Variants in SIRT5 observed in about 807,000 individuals in gnomAD.
SIRT5 encodes NAD-dependent protein deacylase sirtuin-5, mitochondrial.
A neutral mutation model predicts 40.0 loss-of-function variants in SIRT5; 26 were observed. The ratio of observed to expected loss-of-function variants is 0.65; its 90% confidence interval spans 0.48 to 0.90. The LOEUF (loss-of-function observed/expected upper bound fraction) is 0.90. Among genes scored for constraint, SIRT5 ranks in the 40% least tolerant of loss-of-function variants. The probability of loss-of-function intolerance (pLI) is 0.00; values close to 1 mark genes in which losing one functional copy is unlikely to be tolerated. For synonymous variants in SIRT5, 146 were observed against 149.1 expected (o/e 0.98, Z 0.15); for missense variants, 401 against 402.4 (o/e 1.00, Z 0.03).
chr6:13,598,673 A>G (rs1327284362), intron 7 of SIRT5, among the ~76,000 whole-genome samples: 2 of 152,010 alleles, frequency 1.3e-5, no homozygotes, highest in Admixed American at 1.3e-4. Flanking sequence ...TACTAAGAAT[A>G]CGAAAATTAG....
chr6:13,606,683 T>G (rs1201518167), intron 9 of SIRT5, among the ~76,000 whole-genome samples: 1 of 152,154 alleles, frequency 6.6e-6, no homozygotes, highest in Admixed American at 6.5e-5. Flanking sequence ...TGTTTGTTTT[T>G]TGTTTTGTTT....
At chr6:13,603,138 G>A (rs188628419) in intron 9 of SIRT5, among the ~76,000 whole-genome samples, 356 of 152,080 alleles carry the variant, frequency 2.3e-3, no homozygotes, top group African/African-American at 8.0e-3. Context: ...TTAGCCGGGC[G>A]TGGTGGTGGG....
intron 9 of SIRT5, chr6:13,605,637 C>G: frequency 2.0e-6 from 2 of 985,390 alleles, no homozygotes; most frequent in East Asian, 1.1e-4. Flanking sequence ...TTAATTAGTT[C>G]CAGTTTTGGT....
intron 3 of SIRT5, among the ~76,000 whole-genome samples, chr6:13,585,423 T>C (rs1013117497): frequency 7.7e-4 from 114 of 148,918 alleles, no homozygotes; most frequent in African/African-American, 2.7e-3. Context: ...CCCCAGTGTG[T>C]GATGTTACCC....
chr6:13,591,872 C>G lies in SIRT5; in HGVS notation c.453C>G (p.Thr151=), dbSNP rs201563585. ...NIDELHRKAG[T]KNLLEIHGSL... The stretch of plus-strand genomic sequence containing the variant: ...ATGAGCTGCACCGCAAGGCTGGCAC[C>G]AAGAACCTTCTGGAGATCCATGGTG... The change falls in exon 5 of 10, where the codon ACC becomes ACG. Residue 151 remains threonine, a synonymous_variant. Coordinates refer to ENST00000606117, the MANE Select transcript of SIRT5 (RefSeq NM_012241.5). 22 of 1,613,488 alleles carry G rather than the reference C, an allele frequency of 1.4e-5. No individual in the cohort carries two copies. Among genetic ancestry groups the G allele is most frequent in the Non-Finnish European group, 1.9e-5 (22 of 1,179,564 alleles).
At chr6:13,598,197 C>T (rs1281764128) in intron 7 of SIRT5, among the ~76,000 whole-genome samples, 1 of 152,092 alleles carries the variant, frequency 6.6e-6, no homozygotes, top group Non-Finnish European at 1.5e-5. Flanking sequence ...TCCTGTGATG[C>T]AGGAGATTAC....
chr6:13,578,630 A>G (rs1273164836), intron 1 of SIRT5, among the ~76,000 whole-genome samples: 1 of 151,552 alleles, frequency 6.6e-6, no homozygotes, highest in Non-Finnish European at 1.5e-5. Flanking sequence ...AAAAAAAAAA[A>G]AAAAAAAGAA....
chr6:13,584,360 T>G, intron 3 of SIRT5, 135 bp downstream of exon 3: 1 of 625,234 alleles, frequency 1.6e-6, no homozygotes. Flanking sequence ...CATCTTCTCT[T>G]TTTTTTTTTG....
chr6:13,595,101 T>C (rs2127671332), intron 5 of SIRT5, among the ~76,000 whole-genome samples: 1 of 152,352 alleles, frequency 6.6e-6, no homozygotes, highest in African/African-American at 2.4e-5. Context: ...CATGGAGTTA[T>C]TTATTTTTCC....
rs991538371 is a variant in SIRT5, at chr6:13,584,318, A to G, written c.115+93A>G. 5 of 922,752 alleles carry G rather than the reference A, an allele frequency of 5.4e-6. No homozygotes were observed. The African/African-American group carries it at 8.2e-5, about 15-fold the overall frequency. 57.2% of individuals were successfully genotyped at this position (922,752 alleles called of 1,614,324 possible). A position where few individuals can be genotyped will look rare whatever the true frequency, so the allele number is the denominator to read the frequency against. On this transcript the variant is annotated intron_variant, in intron 3 of 9. Transcript: ENST00000606117. The stretch of plus-strand genomic sequence containing the variant: ...GAGGAATGTCTCTGTCAAATTAGGT[A>G]TTGGGCAAGGTTTTGGAGAAAGCCA...
rs949160919 is a variant in SIRT5 at position 13,614,524 on chromosome 6, T to C, written c.*2659T>C. 1 of 152,250 alleles carries C rather than the reference T, an allele frequency of 6.6e-6. No individual in the cohort carries two copies. The allele number at this position is 152,250 out of a possible 1,614,324, so 9.4% of individuals were successfully genotyped here. ...GAAACACAGCGATCACAAAGGGCCA[T>C]GTTTGCCAAGAAATAAAATATACTT... On this transcript the variant is annotated 3_prime_UTR_variant, in exon 10 of 10. Transcript: ENST00000606117.
intron 7 of SIRT5, 138 bp from the exon 8 acceptor site, chr6:13,598,894 G>C: frequency 3.4e-6 from 3 of 886,552 alleles, no homozygotes; most frequent in Non-Finnish European, 5.1e-6. Context: ...TATATAGGCT[G>C]GGAGGGAGGG....
intron 8 of SIRT5, among the ~76,000 whole-genome samples, chr6:13,599,610 C>T (rs1178208714): frequency 6.6e-6 from 1 of 152,212 alleles, no homozygotes; most frequent in African/African-American, 2.4e-5. Context: ...AGTGAGCAAA[C>T]AGCAGCCTTT....
At position 13,613,002 on chromosome 6, in the gene SIRT5, T is replaced by C. The variant is rs1764072674; in HGVS notation, c.*1137T>C. 6.6e-6 allele frequency: 1 copy of C among 152,394 alleles called. No individual in the cohort carries two copies. Among genetic ancestry groups the C allele is most frequent in the African/African-American group, 2.4e-5 (1 of 41,404 alleles). The allele number at this position is 152,394 out of a possible 1,614,324, so 9.4% of individuals were successfully genotyped here. ...TGGGCCAGACCTCTGTTAACTTCAG[T>C]AGGGATGGCACCAGGTTCAAGAGGC... is the stretch of plus-strand genomic sequence containing the variant. On this transcript the variant is annotated 3_prime_UTR_variant, in exon 10 of 10. Coordinates refer to ENST00000606117, the MANE Select transcript of SIRT5 (RefSeq NM_012241.5).
chr6:13,601,540 T>C (rs897678628), intron 9 of SIRT5, among the ~76,000 whole-genome samples: 3 of 152,312 alleles, frequency 2.0e-5, no homozygotes, highest in African/African-American at 7.2e-5. Flanking sequence ...TGCTTTTACC[T>C]CTAATTCTTG....
At chr6:13,590,815 TTGTG>T (rs1035746828) in intron 4 of SIRT5, among the ~76,000 whole-genome samples, 4 of 150,602 alleles carry the variant, frequency 2.7e-5, no homozygotes, top group East Asian at 1.9e-4. Flanking sequence ...GTGTGTGTAG[TTGTG>T]TGTGTGTTTA....
chr6:13,580,177 G>T (rs1424521135), intron 2 of SIRT5, among the ~76,000 whole-genome samples: 2 of 152,174 alleles, frequency 1.3e-5, no homozygotes, highest in Non-Finnish European at 2.9e-5. Context: ...GTCCCCTGAG[G>T]TTGTTCTGGA....
At chr6:13,604,960 G>A in intron 9 of SIRT5, 1 of 989,252 alleles carries the variant, frequency 1.0e-6, no homozygotes, top group East Asian at 1.1e-4. Context: ...AGGAGTAACT[G>A]ATCAATGAAG....
At chr6:13,591,565 C>G in intron 4 of SIRT5, 104 bp from the exon 5 acceptor site, 1 of 969,526 alleles carries the variant, frequency 1.0e-6, no homozygotes, top group Non-Finnish European at 1.5e-6. Flanking sequence ...TGCACCTTCC[C>G]GACGCTGCCT....
Sources: allele counts gnomAD v4.1 joint callset (sites outside exome capture counted in the v4.1 genomes callset), GRCh38; gene constraint gnomAD v4.1.1; transcripts MANE v1.5; gene names NCBI Gene and HGNC (gene_info 2026-07-23, HGNC 2026-07-21).